The following AOAH variants were observed in gnomAD, a reference collection of about 807,000 sequenced individuals.
The protein encoded by AOAH is acyloxyacyl hydrolase (neutrophil).
AOAH carries 64 observed loss-of-function variants against 92.2 expected under a neutral mutation model. That is an observed-to-expected ratio of 0.69 (90% CI 0.57 to 0.86). AOAH has a LOEUF of 0.86. Ranked by LOEUF, AOAH falls within the 40% of genes least tolerant of loss-of-function variation. AOAH has a pLI of 0.00. For missense variants in AOAH, 656 were observed against 694.6 expected, an observed-to-expected ratio of 0.94 and a Z score of 0.62; for synonymous variants, 263 against 254.5, an observed-to-expected ratio of 1.03 and a Z score of -0.32.
At chr7:36,692,678 A>C (rs11561782) in intron 1 of AOAH, among the ~76,000 whole-genome samples, 85,245 of 151,936 alleles carry the variant, frequency 0.56, 24,306 homozygotes, top group East Asian at 0.83. Context: ...CTAAAAATGA[A>C]AGTGAAGATG....
chr7:36,646,200 C>T (rs1026362702), intron 4 of AOAH, among the ~76,000 whole-genome samples: 5 of 152,140 alleles, frequency 3.3e-5, no homozygotes, highest in Non-Finnish European at 7.3e-5. Flanking sequence ...ACTAACTTTG[C>T]AAAATAGGAA....
chr7:36,720,236 G>A (rs1288954778), intron 1 of AOAH, among the ~76,000 whole-genome samples: 1 of 151,606 alleles, frequency 6.6e-6, no homozygotes, highest in Non-Finnish European at 1.5e-5. Flanking sequence ...TGCAACCTCT[G>A]CCTCCTGGGT....
intron 1 of AOAH, among the ~76,000 whole-genome samples, chr7:36,715,330 C>A (rs1426507906): frequency 2.0e-5 from 3 of 152,112 alleles, no homozygotes; most frequent in Non-Finnish European, 4.4e-5. Flanking sequence ...AAAGAGGATA[C>A]AAACAAATGG....
At chr7:36,645,549 C>T (rs1441086737) in intron 4 of AOAH, among the ~76,000 whole-genome samples, 5 of 152,100 alleles carry the variant, frequency 3.3e-5, no homozygotes, top group South Asian at 4.1e-4. Flanking sequence ...TTACTGCTTA[C>T]GGGTTTTTAT....
intron 13 of AOAH, among the ~76,000 whole-genome samples, chr7:36,552,114 G>C (rs1786305409): frequency 6.6e-6 from 1 of 152,110 alleles, no homozygotes; most frequent in Non-Finnish European, 1.5e-5. Flanking sequence ...ATGTGCCATG[G>C]TGGTTTGCTG....
chr7:36,619,858 T>C (rs1792155191), intron 9 of AOAH, among the ~76,000 whole-genome samples: 1 of 152,216 alleles, frequency 6.6e-6, no homozygotes, highest in African/African-American at 2.4e-5. Context: ...TGAAAATAAT[T>C]GCAGTTTTTG....
intron 4 of AOAH, among the ~76,000 whole-genome samples, chr7:36,648,277 A>C (rs985086382): frequency 2.0e-5 from 3 of 152,240 alleles, no homozygotes; most frequent in Non-Finnish European, 4.4e-5. Flanking sequence ...AACTTTGTGA[A>C]GTCCAAATAC....
chr7:36,648,384 T>C (rs1244198202), intron 4 of AOAH, among the ~76,000 whole-genome samples: 1 of 152,094 alleles, frequency 6.6e-6, no homozygotes, highest in African/African-American at 2.4e-5. Flanking sequence ...TTGATATTTT[T>C]CCCTAAACCA....
chr7:36,653,013 T>G (rs891644666), intron 4 of AOAH, among the ~76,000 whole-genome samples: 1 of 152,252 alleles, frequency 6.6e-6, no homozygotes, highest in African/African-American at 2.4e-5. Flanking sequence ...TAAGTAATAG[T>G]AATGTGTTCA....
chr7:36,624,659 G>A (rs555415088), intron 6 of AOAH, among the ~76,000 whole-genome samples: 2 of 152,314 alleles, frequency 1.3e-5, no homozygotes, highest in Non-Finnish European at 2.9e-5. Flanking sequence ...TTGGTTTCCC[G>A]CTCTGTCTTT....
intron 20 of AOAH, among the ~76,000 whole-genome samples, chr7:36,519,279 C>T (rs577490575): frequency 1.3e-5 from 2 of 152,340 alleles, no homozygotes; most frequent in South Asian, 2.1e-4. Flanking sequence ...CCACACTGAG[C>T]GCTTTTATTT....
chr7:36,637,778 G>T (rs1233433301), intron 5 of AOAH, 73 bp downstream of exon 5: 14 of 1,388,592 alleles, frequency 1.0e-5, no homozygotes, highest in Admixed American at 1.7e-5. Flanking sequence ...TTGCCTTTGG[G>T]ATGTGAAAGC....
chr7:36,549,484 T>C lies in AOAH; in HGVS notation c.1022-9A>G. 5.1e-6 allele frequency: 8 copies of C among 1,573,126 alleles called. No individual in the cohort carries two copies. The highest frequency in any genetic ancestry group is 7.0e-6 in the Non-Finnish European group (8 of 1,150,114). On this transcript the variant is annotated splice_polypyrimidine_tract_variant and intron_variant, in intron 13 of 20. Transcript: ENST00000617537. Reference sequence around the variant, plus strand: ...GTTTCGGGAAGATGCACCTGAATAATTAAAATTAAGAAAACAATTAAAGTT... The same window carrying C: ...GTTTCGGGAAGATGCACCTGAATAACTAAAATTAAGAAAACAATTAAAGTT...
Position 36,543,947 on chromosome 7 carries a change from C to CTTTCTTTCTTTCTTTTTTT in AOAH, c.1134-3457_1134-3456insAAAAAAAGAAAGAAAGAAA, listed in dbSNP as rs55745823. Among the ~76,000 whole-genome samples the CTTTCTTTCTTTCTTTTTTT allele has an allele frequency of 1.4e-4, 13 of 91,030 alleles. No homozygotes were observed. The East Asian group carries it at 1.5e-3, about 10-fold the overall frequency. 59.7% of individuals were successfully genotyped at this position (91,030 alleles called of 152,430 possible). The stretch of plus-strand genomic sequence containing the variant: ...CTTTTTCTTTTTTCTTTCTTTCTTT[C>CTTTCTTTCTTTCTTTTTTT]TTTTTTTTTTTTTTTTTTGAGATGG... On this transcript the variant is annotated intron_variant, in intron 15 of 20. Coordinates refer to ENST00000617537, the MANE Select transcript of AOAH (RefSeq NM_001637.4).
intron 3 of AOAH, among the ~76,000 whole-genome samples, chr7:36,665,782 CT>C (rs1050730096): frequency 6.6e-6 from 1 of 151,760 alleles, no homozygotes; most frequent in Admixed American, 6.6e-5. Flanking sequence ...TTGTTAAATG[CT>C]TTTTCTGTGT....
chr7:36,533,731 C>T (rs1382408099), intron 16 of AOAH, among the ~76,000 whole-genome samples: 1 of 151,482 alleles, frequency 6.6e-6, no homozygotes, highest in Non-Finnish European at 1.5e-5. Context: ...TCATTTGCTC[C>T]CTTTCTGAAT....
chr7:36,575,679 A>T (rs115474535), intron 13 of AOAH, among the ~76,000 whole-genome samples: 2 of 152,206 alleles, frequency 1.3e-5, no homozygotes, highest in Admixed American at 6.5e-5. Flanking sequence ...AGTAAAAAAA[A>T]TCTATATTGT....
chr7:36,690,999 A>G (rs185749885), intron 1 of AOAH, among the ~76,000 whole-genome samples: 1 of 152,272 alleles, frequency 6.6e-6, no homozygotes, highest in East Asian at 1.9e-4. Context: ...TAGATTTCCC[A>G]TTTGTCTGAA....
At chr7:36,714,210 T>C (rs1798971308) in intron 1 of AOAH, among the ~76,000 whole-genome samples, 1 of 151,966 alleles carries the variant, frequency 6.6e-6, no homozygotes, top group Non-Finnish European at 1.5e-5. Context: ...TCTACGCAAA[T>C]AAACTAGAAA....
Sources: gnomAD v4.1 joint callset for allele counts (sites outside exome capture counted in the v4.1 genomes callset) on GRCh38, gnomAD v4.1.1 for gene constraint, MANE v1.5 for transcripts, NCBI Gene and HGNC (gene_info 2026-07-23, HGNC 2026-07-21) for gene names.